ASPSCR1: variants seen among roughly 807,000 people sequenced by gnomAD.
The protein encoded by ASPSCR1 is tether containing UBX domain for GLUT4.
A neutral mutation model predicts 68.9 loss-of-function variants in ASPSCR1; 55 were observed. The observed-to-expected ratio is 0.80, with a 90% CI of 0.64 to 1.00. The LOEUF is 1.00. ASPSCR1 is among the 50% of genes least tolerant of loss of function. The probability of loss-of-function intolerance (pLI) is 0.00; values close to 1 mark genes in which losing one functional copy is unlikely to be tolerated. For missense variants in ASPSCR1, 765 were observed against 762.2 expected, an observed-to-expected ratio of 1.00 and a Z score of -0.04; for synonymous variants, 352 against 332.6, an observed-to-expected ratio of 1.06 and a Z score of -0.63.
intron 9 of ASPSCR1, 53 bp downstream of exon 9, chr17:82,009,620 C>CT: frequency 1.6e-6 from 2 of 1,249,756 alleles, no homozygotes; most frequent in Non-Finnish European, 2.1e-6. Context: ...GGGGGCCCCC[C>CT]GTGAGGTCTG....
intron 7 of ASPSCR1, among the ~76,000 whole-genome samples, chr17:82,002,599 G>A (rs2042573892): frequency 6.6e-6 from 1 of 151,856 alleles, no homozygotes. Flanking sequence ...GTCTCACTCT[G>A]TTGCCCAGGC....
chr17:81,983,506 C>A lies in ASPSCR1; in HGVS notation c.159-48C>A. On this transcript the variant is annotated intron_variant, in intron 2 of 15. Transcript: ENST00000306739. The surrounding 1 kb of genome is among the most constrained non-coding windows in gnomAD (Gnocchi z 4.4). ...GGATGGCGGGGCGTGGATGGCAGGG[C>A]GTGTCAGGCTCTGCAGGGCAGCAAG... 6.8e-7 allele frequency: 1 copy of A among 1,465,818 alleles called. No individual in the cohort carries two copies. 90.8% of individuals were successfully genotyped at this position (1,465,818 alleles called of 1,614,324 possible). A position where few individuals can be genotyped will look rare whatever the true frequency, so the allele number is the denominator to read the frequency against.
intron 1 of ASPSCR1, 95 bp from the exon 2 acceptor site, chr17:81,979,089 T>C (rs2041711467): frequency 7.3e-7 from 1 of 1,364,932 alleles, no homozygotes; most frequent in South Asian, 1.2e-5. Context: ...GCCACCTGGC[T>C]CACCAGGAAG....
At chr17:81,995,074 C>T (rs2042293220) in intron 5 of ASPSCR1, 196 bp downstream of exon 5, 1 of 555,768 alleles carries the variant, frequency 1.8e-6, no homozygotes, top group Non-Finnish European at 3.1e-6. Flanking sequence ...CCCTCGGCGC[C>T]CTGTTTGTTT....
At position 81,996,813 on chromosome 17, in the gene ASPSCR1, G is replaced by A; in HGVS notation, c.900G>A (p.Glu300=). The stretch of plus-strand genomic sequence containing the variant: ...AGCAGGAGCAGGAGCAGGAGCGGGA[G>A]CGGGATCCCCAGCAGGAGCAGGAGC... ...DPQQEQEQER[E]RDPQQEQERE... is the part of the protein sequence containing the mutation. The change falls in exon 7 of 16, where the codon GAG becomes GAA. Residue 300 remains glutamate (E), a synonymous_variant. Transcript: ENST00000306739. 1.2e-6 allele frequency: 2 copies of A among 1,606,932 alleles called. No homozygotes were observed. Among genetic ancestry groups the A allele is most frequent in the Non-Finnish European group, 1.7e-6 (2 of 1,177,848 alleles).
chr17:82,003,769 C>T (rs1279890335), intron 7 of ASPSCR1, among the ~76,000 whole-genome samples: 3 of 152,262 alleles, frequency 2.0e-5, no homozygotes, highest in Admixed American at 6.5e-5. Flanking sequence ...CCCGCGCCCA[C>T]GCCCTGGCAC....
intron 12 of ASPSCR1, chr17:82,014,962 C>T: frequency 7.9e-7 from 1 of 1,263,360 alleles, no homozygotes; most frequent in Non-Finnish European, 1.1e-6. Context: ...CAGCCTGAGA[C>T]ATCCTGGGAC....
At chr17:82,015,849 C>T (rs541097378) in intron 12 of ASPSCR1, 119 of 185,000 alleles carry the variant, frequency 6.4e-4, no homozygotes, top group Middle Eastern at 2.4e-3. Context: ...CCCACAGGCC[C>T]TTCTCTGCTC....
At chr17:81,994,504 C>T (rs1056234365) in intron 4 of ASPSCR1, among the ~76,000 whole-genome samples, 1 of 152,198 alleles carries the variant, frequency 6.6e-6, no homozygotes, top group Non-Finnish European at 1.5e-5. Context: ...CCCTCCTGTG[C>T]GGTCCCTGGG....
chr17:81,996,483 G>T lies in ASPSCR1; in HGVS notation c.570G>T (p.Ser190=), dbSNP rs201473706. The change falls in exon 7 of 16, where the codon TCG becomes TCT. Residue 190 remains serine, a synonymous_variant. Coordinates refer to ENST00000306739, the MANE Select transcript of ASPSCR1 (RefSeq NM_024083.4). ...CAGGAAGCCTGGGCTCGTCAGCGTC[G>T]GCTGGCCAGGCAGCCGCCAGCGCTC... The part of the protein sequence containing the change: ...KTPGSLGSSA[S]AGQAAASAPL... The T allele has an allele frequency of 1.2e-6, 2 of 1,611,192 alleles. No homozygotes were observed. The highest frequency in any genetic ancestry group is 1.1e-5 in the South Asian group (1 of 90,984).
chr17:81,991,301 C>T (rs903038144), intron 4 of ASPSCR1, among the ~76,000 whole-genome samples: 18 of 152,346 alleles, frequency 1.2e-4, no homozygotes, highest in Admixed American at 1.1e-3. Flanking sequence ...GCCCCCAGCC[C>T]TCTGCTCCCA....
At chr17:82,005,438 C>T (rs1467042152) in intron 7 of ASPSCR1, 1 of 152,146 alleles carries the variant, frequency 6.6e-6, no homozygotes, top group Non-Finnish European at 1.5e-5. Context: ...CAGGAAGCCC[C>T]ACGCAGGCTT....
At chr17:82,003,799 G>A (rs961554953) in intron 7 of ASPSCR1, among the ~76,000 whole-genome samples, 1 of 152,262 alleles carries the variant, frequency 6.6e-6, no homozygotes, top group South Asian at 2.1e-4. Flanking sequence ...TGCTGTGCAC[G>A]TCCCAGGCCT....
In ASPSCR1 at chr17:81,986,725, G is replaced by GTGGGAAGGTGACCACGCGTCGGGCGC; in HGVS notation, c.374+1131_374+1132insACGCGTCGGGCGCTGGGAAGGTGACC. ...GTCTTGAGGACCGAGCATAGGGCCT[G>GTGGGAAGGTGACCACGCGTCGGGCGC]TGGGAAGGTGACCGCGCGTCGGGCG... On this transcript the variant is annotated intron_variant, in intron 4 of 15. Coordinates refer to ENST00000306739, the MANE Select transcript of ASPSCR1 (RefSeq NM_024083.4). This position sits in a 1 kb window ranked among gnomAD's most constrained non-coding sequence, Gnocchi z 5.2. 6.6e-6 allele frequency among the ~76,000 whole-genome samples: 1 copy of GTGGGAAGGTGACCACGCGTCGGGCGC among 151,800 alleles called. No individual in the cohort carries two copies. Among genetic ancestry groups the GTGGGAAGGTGACCACGCGTCGGGCGC allele is most frequent in the South Asian group, 2.1e-4 (1 of 4,802 alleles).
intron 4 of ASPSCR1, among the ~76,000 whole-genome samples, chr17:81,989,400 G>A (rs2042091786): frequency 6.6e-6 from 1 of 152,190 alleles, no homozygotes; most frequent in Admixed American, 6.5e-5. Flanking sequence ...ATGAGGGAGG[G>A]AGGCTCTCGT....
At chr17:81,998,676 T>C (rs983786240) in intron 7 of ASPSCR1, among the ~76,000 whole-genome samples, 1 of 152,272 alleles carries the variant, frequency 6.6e-6, no homozygotes, top group Non-Finnish European at 1.5e-5. Flanking sequence ...TATTGGCTTG[T>C]GCATGTGTGT....
rs1567957213 is a variant in ASPSCR1, at chr17:81,985,054, ACACCCACG to A, written c.274-449_274-442del. ...ACATGCACACACCTCCCCCCCACACACACCCACGCACACACCTGTACACACACACCTAC... is the reference window on the plus strand; with the variant it reads ...ACATGCACACACCTCCCCCCCACACACACACACCTGTACACACACACCTAC... On this transcript the variant is annotated intron_variant, in intron 3 of 15. Transcript: ENST00000306739. 1.3e-3 allele frequency among the ~76,000 whole-genome samples: 135 copies of A among 102,080 alleles called. 1 individual carries two copies. In the South Asian group the frequency reaches 0.019, roughly 14 times the overall value. 67.0% of individuals were successfully genotyped at this position (102,080 alleles called of 152,430 possible).
chr17:82,010,220 C>T (rs1290490752), intron 9 of ASPSCR1, among the ~76,000 whole-genome samples: 1 of 150,344 alleles, frequency 6.7e-6, no homozygotes, highest in East Asian at 2.0e-4. Flanking sequence ...CCACACCTGG[C>T]TGAATGAAAC....
At chr17:82,014,830 G>A in intron 12 of ASPSCR1, 1 of 576,516 alleles carries the variant, frequency 1.7e-6, no homozygotes, top group Non-Finnish European at 3.1e-6. Context: ...GAGGCGGCTG[G>A]ATTTGGGGCC....
Sources: allele counts gnomAD v4.1 joint callset (sites outside exome capture counted in the v4.1 genomes callset), GRCh38; gene constraint gnomAD v4.1.1; non-coding constraint Gnocchi (gnomAD v3.1); transcripts MANE v1.5; gene names NCBI Gene and HGNC (gene_info 2026-07-23, HGNC 2026-07-21).